NLGN4X: variants seen among roughly 807,000 people sequenced by gnomAD.
NLGN4X encodes the protein neuroligin-4, X-linked.
NLGN4X carries 3 observed loss-of-function variants against 40.3 expected under a neutral mutation model. That is an observed-to-expected ratio of 0.07 (90% CI 0.03 to 0.19). The LOEUF is 0.19. NLGN4X is among the 10% of genes least tolerant of loss of function. The pLI is 1.00. For synonymous variants in NLGN4X, 270 were observed against 306.8 expected (o/e 0.88, Z 1.25); for missense variants, 382 against 708.3 (o/e 0.54, Z 5.23).
At chrX:5,972,785 G>A (rs1034703760) in intron 3 of NLGN4X, among the ~76,000 whole-genome samples, 1 of 109,073 alleles carries the variant, frequency 9.2e-6, no homozygotes, top group Non-Finnish European at 1.9e-5. Context: ...GGGCGGGGAT[G>A]TCTCTTGAAG....
chrX:6,145,162 A>G (rs1236080484), intron 2 of NLGN4X, among the ~76,000 whole-genome samples: 1 of 111,540 alleles, frequency 9.0e-6, no homozygotes, highest in Non-Finnish European at 1.9e-5. Context: ...ACACAAGAAC[A>G]GCCCAGTTTT....
rs780514495 is a variant in NLGN4X at position 6,188,409 on chromosome X, A to G, written c.-305-36638T>C. ...GCTTTCATCCCACTTTCTAAGTGGAAGGAGCATATCATAGAGATTGCGCGT... is the reference window on the plus strand; with the variant it reads ...GCTTTCATCCCACTTTCTAAGTGGAGGGAGCATATCATAGAGATTGCGCGT... On this transcript the variant is annotated intron_variant, in intron 1 of 5. Coordinates refer to ENST00000381095, the MANE Select transcript of NLGN4X (RefSeq NM_181332.3). Among the ~76,000 whole-genome samples the G allele has an allele frequency of 2.8e-4, 31 of 112,054 alleles. 1 individual carries two copies. Among genetic ancestry groups the G allele is most frequent in the Admixed American group, 2.5e-3 (26 of 10,561 alleles).
intron 2 of NLGN4X, among the ~76,000 whole-genome samples, chrX:6,063,384 C>T (rs2037821123): frequency 8.9e-6 from 1 of 111,910 alleles, no homozygotes. Flanking sequence ...ACTTGGGAGG[C>T]TGATGTGAGA....
rs749574818 is a variant in NLGN4X, at chrX:6,225,689, C to CTTTTTTTTT, written c.-306+2843_-306+2851dup. ...TTTCCTTTTTTTTCTTTCTTTTTTTCTTTTTTTTTTTTTTTTTTTTTTTTT... is the reference window on the plus strand; with the variant it reads ...TTTCCTTTTTTTTCTTTCTTTTTTTCTTTTTTTTTTTTTTTTTTTTTTTTTTTTTTTTTT... On this transcript the variant is annotated intron_variant, in intron 1 of 5. Transcript: ENST00000381095. Among the ~76,000 whole-genome samples, 110 of 26,892 alleles carry CTTTTTTTTT rather than the reference C, an allele frequency of 4.1e-3. 4 individuals carry two copies. The highest frequency in any genetic ancestry group is 8.0e-3 in the East Asian group (7 of 876). The allele number at this position is 26,892 out of a possible 115,157, so 23.4% of individuals were successfully genotyped here.
intron 2 of NLGN4X, among the ~76,000 whole-genome samples, chrX:6,135,825 G>T (rs745843504): frequency 8.0e-5 from 9 of 111,840 alleles, no homozygotes; most frequent in African/African-American, 2.9e-4. Context: ...CAAAGTGCCA[G>T]ATTCCTAACA....
chrX:5,974,146 A>G (rs533158928), intron 3 of NLGN4X, among the ~76,000 whole-genome samples: 39 of 112,222 alleles, frequency 3.5e-4, no homozygotes, highest in African/African-American at 1.2e-3. Flanking sequence ...CGCTGAAACA[A>G]CTGAATGAAG....
chrX:5,997,983 G>A (rs2035877531), intron 3 of NLGN4X, among the ~76,000 whole-genome samples: 1 of 111,595 alleles, frequency 9.0e-6, no homozygotes, highest in South Asian at 3.7e-4. Context: ...ATAAAGTGGA[G>A]GAGATGCACA....
At chrX:6,088,814 T>C (rs1477247955) in intron 2 of NLGN4X, among the ~76,000 whole-genome samples, 1 of 112,121 alleles carries the variant, frequency 8.9e-6, no homozygotes, top group African/African-American at 3.2e-5. Context: ...CATATGAATA[T>C]ACATTCCTTT....
chrX:5,968,691 T>C (rs2034919202), intron 3 of NLGN4X, among the ~76,000 whole-genome samples: 1 of 108,139 alleles, frequency 9.2e-6, no homozygotes, highest in African/African-American at 3.4e-5. Context: ...GACATAGTTT[T>C]TCTGGACCAT....
At chrX:6,174,676 A>C (rs142596741) in intron 1 of NLGN4X, among the ~76,000 whole-genome samples, 1,280 of 112,107 alleles carry the variant, frequency 0.011, 12 homozygotes, top group African/African-American at 0.037. Flanking sequence ...CATTATCCTA[A>C]GTGAGTCAAC....
chrX:6,023,073 T>C (rs2036595793), intron 3 of NLGN4X, among the ~76,000 whole-genome samples: 1 of 111,369 alleles, frequency 9.0e-6, no homozygotes. Flanking sequence ...ATAGCTATAA[T>C]ATGTGAAAGA....
chrX:5,999,678 C>T (rs2035924372), intron 3 of NLGN4X, among the ~76,000 whole-genome samples: 2 of 112,108 alleles, frequency 1.8e-5, no homozygotes, highest in Admixed American at 9.5e-5. Context: ...TTTTGCATGT[C>T]ATCTGGTTCT....
chrX:6,082,293 T>C (rs2038368242), intron 2 of NLGN4X, among the ~76,000 whole-genome samples: 2 of 110,673 alleles, frequency 1.8e-5, no homozygotes, highest in Non-Finnish European at 3.8e-5. Flanking sequence ...CCCAGCACTA[T>C]AGAAGGCTGA....
At chrX:6,058,526 T>C (rs955760291) in intron 2 of NLGN4X, among the ~76,000 whole-genome samples, 6 of 112,215 alleles carry the variant, frequency 5.3e-5, no homozygotes, top group African/African-American at 1.9e-4. Flanking sequence ...GGCACATTCA[T>C]TGTTAGAAAT....
At position 5,892,832 on chromosome X, in the gene NLGN4X, G is replaced by A. The variant is rs762881868; in HGVS notation, c.2436C>T (p.Ser812=). The A allele has an allele frequency of 1.7e-6, 2 of 1,209,183 alleles. No homozygotes were observed. The highest frequency in any genetic ancestry group is 3.0e-5 in the East Asian group (1 of 33,737). ...TAGGGCAAAGCTATACTCTAGTGGT[G>A]GAATGTCCGTGGGGTAAATTTGTAC... is the stretch of plus-strand genomic sequence containing the variant. ...QNSTNLPHGH[S]TTRV is the part of the protein sequence containing the mutation. The change falls in exon 6 of 6, where the codon TCC becomes TCT. Residue 812 remains serine (S), a synonymous_variant. Transcript: ENST00000381095.
chrX:6,082,167 C>G (rs2038364868), intron 2 of NLGN4X, among the ~76,000 whole-genome samples: 2 of 112,100 alleles, frequency 1.8e-5, no homozygotes, highest in African/African-American at 6.5e-5. Context: ...ACTATCATTT[C>G]ATTCATGCAT....
Position 5,891,460 on chromosome X carries a change from C to T in NLGN4X, c.*1357G>A. The T allele has an allele frequency of 7.8e-6, 2 of 257,745 alleles. No individual in the cohort carries two copies. The highest frequency in any genetic ancestry group is 1.0e-4 in the Admixed American group (2 of 19,458). The allele number at this position is 257,745 out of a possible 1,213,427, so 21.2% of individuals were successfully genotyped here. Reference sequence around the variant, plus strand: ...ATAAATAAGGGACCGAGTGCTTAAACAAAAAGGAAAGACACATGTCTTCCT... The same window carrying T: ...ATAAATAAGGGACCGAGTGCTTAAATAAAAAGGAAAGACACATGTCTTCCT... On this transcript the variant is annotated 3_prime_UTR_variant, in exon 6 of 6. Coordinates refer to ENST00000381095, the MANE Select transcript of NLGN4X (RefSeq NM_181332.3).
chrX:6,009,151 G>A (rs996304965), intron 3 of NLGN4X, among the ~76,000 whole-genome samples: 2 of 111,737 alleles, frequency 1.8e-5, no homozygotes, highest in African/African-American at 6.5e-5. Flanking sequence ...TAGTTGGCTA[G>A]TTCAAAAGTT....
At chrX:6,032,502 T>C (rs1008849615) in intron 2 of NLGN4X, among the ~76,000 whole-genome samples, 2 of 109,324 alleles carry the variant, frequency 1.8e-5, no homozygotes, top group Non-Finnish European at 3.8e-5. Context: ...ATTTGTTTCC[T>C]GTACATGGTA....
Sources: gnomAD v4.1 joint callset for allele counts (sites outside exome capture counted in the v4.1 genomes callset) on GRCh38, gnomAD v4.1.1 for gene constraint, MANE v1.5 for transcripts, NCBI Gene and HGNC (gene_info 2026-07-23, HGNC 2026-07-21) for gene names.